The following MAOA variants were observed in gnomAD, a reference collection of about 807,000 sequenced individuals.
The protein encoded by MAOA is monoamine oxidase A.
In MAOA, 6 loss-of-function variants were observed where a neutral mutation model predicts 42.0. The observed-to-expected ratio is 0.14, with a 90% CI of 0.08 to 0.28. The LOEUF is 0.28. MAOA is among the 10% of genes least tolerant of loss of function. The pLI, the probability that MAOA is intolerant of heterozygous loss-of-function variation, is 1.00. For synonymous variants in MAOA, 140 were observed against 154.0 expected (o/e 0.91, Z 0.67); for missense variants, 262 against 422.3 (o/e 0.62, Z 3.33).
chrX:43,695,640 G>A (rs2033572809), intron 3 of MAOA, among the ~76,000 whole-genome samples: 1 of 112,008 alleles, frequency 8.9e-6, no homozygotes, highest in South Asian at 3.7e-4. Context: ...GCTGAGGCAA[G>A]AGGATGGCTT....
intron 3 of MAOA, among the ~76,000 whole-genome samples, chrX:43,708,832 T>G (rs1416461915): frequency 9.3e-6 from 1 of 107,983 alleles, no homozygotes; most frequent in African/African-American, 3.4e-5. Context: ...CCGGCTGATT[T>G]TTTGTATTTT....
At chrX:43,742,652 A>G (rs2033968397) in intron 12 of MAOA, among the ~76,000 whole-genome samples, 1 of 112,181 alleles carries the variant, frequency 8.9e-6, no homozygotes, top group East Asian at 2.8e-4. Flanking sequence ...CACTCAGGGA[A>G]GCCCAAAGTG....
At chrX:43,703,782 G>A (rs189494955) in intron 3 of MAOA, among the ~76,000 whole-genome samples, 1 of 111,355 alleles carries the variant, frequency 9.0e-6, no homozygotes, top group Admixed American at 9.6e-5. Flanking sequence ...AGGAGTCCTA[G>A]GAAGCCTGGC....
chrX:43,669,362 G>C (rs1006421349), intron 1 of MAOA, among the ~76,000 whole-genome samples: 1 of 110,773 alleles, frequency 9.0e-6, no homozygotes, highest in Non-Finnish European at 1.9e-5. Context: ...AGATTGCAGT[G>C]AGCTGAGACC....
chrX:43,675,438 A>G (rs2033385822), intron 1 of MAOA, among the ~76,000 whole-genome samples: 1 of 112,074 alleles, frequency 8.9e-6, no homozygotes, highest in Non-Finnish European at 1.9e-5. Context: ...TCTTCGCTCA[A>G]CTCGTCAAAG....
At position 43,731,550 on chromosome X, in the gene MAOA, TG is replaced by T. The variant is rs1007255740; in HGVS notation, c.796-143del. 3 of 850,466 alleles carry T rather than the reference TG, an allele frequency of 3.5e-6. No individual in the cohort carries two copies. In the African/African-American group the frequency reaches 6.0e-5, roughly 17 times the overall value. 70.1% of individuals were successfully genotyped at this position (850,466 alleles called of 1,213,427 possible). A position where few individuals can be genotyped will look rare whatever the true frequency, so the allele number is the denominator to read the frequency against. Reference sequence around the variant, plus strand: ...TTGGTTGACCTACCTTGATCTGTTTTGTTGCCTCACAGTTGCCTCATTTTCT... The same window carrying T: ...TTGGTTGACCTACCTTGATCTGTTTTTTGCCTCACAGTTGCCTCATTTTCT... On this transcript the variant is annotated intron_variant, in intron 7 of 14. Transcript: ENST00000338702.
intron 1 of MAOA, among the ~76,000 whole-genome samples, chrX:43,668,419 G>T (rs1384113817): frequency 1.9e-4 from 21 of 111,626 alleles, no homozygotes; most frequent in African/African-American, 6.2e-4. Flanking sequence ...ATGGCTTCTG[G>T]GTTTTGTGTC....
At chrX:43,669,925 G>A (rs762340932) in intron 1 of MAOA, among the ~76,000 whole-genome samples, 1 of 111,940 alleles carries the variant, frequency 8.9e-6, no homozygotes, top group East Asian at 2.8e-4. Context: ...CACAGATTTA[G>A]AGAAATACAT....
chrX:43,673,309 A>G (rs899927419), intron 1 of MAOA, among the ~76,000 whole-genome samples: 1 of 110,049 alleles, frequency 9.1e-6, no homozygotes, highest in African/African-American at 3.3e-5. Context: ...CTTTTATTGC[A>G]TCTATTTGAT....
At chrX:43,680,361 G>A (rs748464099) in intron 1 of MAOA, among the ~76,000 whole-genome samples, 1 of 111,021 alleles carries the variant, frequency 9.0e-6, no homozygotes, top group Non-Finnish European at 1.9e-5. Context: ...AGGGGAAGGA[G>A]AGCATGAGTA....
At chrX:43,662,308 T>C (rs1293512664) in intron 1 of MAOA, among the ~76,000 whole-genome samples, 2 of 111,669 alleles carry the variant, frequency 1.8e-5, no homozygotes, top group African/African-American at 6.5e-5. Context: ...TTTTACTTCA[T>C]AAACTTTTTA....
intron 8 of MAOA, 101 bp downstream of exon 8, chrX:43,731,954 A>C (rs1257692431): frequency 2.5e-6 from 2 of 810,414 alleles, no homozygotes; most frequent in Non-Finnish European, 3.6e-6. Flanking sequence ...AAGTATTTTC[A>C]AACTGGTAGA....
intron 5 of MAOA, among the ~76,000 whole-genome samples, chrX:43,715,681 G>A (rs2033736962): frequency 9.0e-6 from 1 of 110,818 alleles, no homozygotes; most frequent in Non-Finnish European, 1.9e-5. Context: ...TTAGAGAGAT[G>A]GAATCTTCCA....
intron 8 of MAOA, 24 bp downstream of exon 8, chrX:43,731,877 A>G (rs759343611): frequency 8.6e-7 from 1 of 1,160,969 alleles, no homozygotes; most frequent in South Asian, 1.8e-5. Flanking sequence ...ATTCATGTTT[A>G]AACTGTATTA....
intron 3 of MAOA, among the ~76,000 whole-genome samples, chrX:43,705,566 T>C (rs1186642403): frequency 2.7e-5 from 3 of 111,776 alleles, no homozygotes; most frequent in African/African-American, 9.7e-5. Flanking sequence ...TATTTGATGA[T>C]ACTGAAAGCA....
intron 8 of MAOA, 55 bp from the exon 9 acceptor site, chrX:43,732,644 G>A: frequency 1.3e-6 from 1 of 772,142 alleles, no homozygotes; most frequent in Non-Finnish European, 2.0e-6. Flanking sequence ...ATGTGTGTAT[G>A]GGTGTCTCTG....
At chrX:43,685,097 C>G (rs1029838645) in intron 2 of MAOA, among the ~76,000 whole-genome samples, 1 of 109,926 alleles carries the variant, frequency 9.1e-6, no homozygotes, top group Non-Finnish European at 1.9e-5. Flanking sequence ...AGGCTTGTTG[C>G]GAACTCCTGA....
rs1800466 is a variant in MAOA at position 43,744,488 on chromosome X, A to G, written c.1559A>G (p.Lys520Arg). ...ACTGCCCTGGGGTTTGTGCTGTACA[A>G]ATACAAGCTCCTGCCACGGTCTTGA... ...SVTALGFVLY[K>R]YKLLPRS is the part of the protein sequence containing the mutation. The change falls in exon 15 of 15, where the codon AAA becomes AGA. Residue 520 changes from lysine to arginine, a missense_variant. Coordinates refer to ENST00000338702, the MANE Select transcript of MAOA (RefSeq NM_000240.4). 2.5e-4 allele frequency: 297 copies of G among 1,208,841 alleles called. No individual in the cohort carries two copies. The highest frequency in any genetic ancestry group is 7.0e-5 in the Non-Finnish European group (63 of 894,649).
chrX:43,674,324 T>C (rs2033368960), intron 1 of MAOA, among the ~76,000 whole-genome samples: 1 of 110,823 alleles, frequency 9.0e-6, no homozygotes, highest in Non-Finnish European at 1.9e-5. Context: ...TCCTTTTATT[T>C]TGAGCCTATG....
Sources: gnomAD v4.1 joint callset for allele counts (sites outside exome capture counted in the v4.1 genomes callset) on GRCh38, gnomAD v4.1.1 for gene constraint, MANE v1.5 for transcripts, NCBI Gene and HGNC (gene_info 2026-07-23, HGNC 2026-07-21) for gene names.